Variants in EML4 observed in about 807,000 individuals in gnomAD.
The protein encoded by EML4 is echinoderm microtubule-associated protein-like 4.
Under a neutral mutation model 129.0 loss-of-function variants are expected in EML4, and 72 were observed. That is an observed-to-expected ratio of 0.56 (90% CI 0.46 to 0.68). The LOEUF (loss-of-function observed/expected upper bound fraction) is 0.68, where lower values mean the gene tolerates loss of function less well. EML4 is among the 30% of genes least tolerant of loss of function. The pLI, the probability that EML4 is intolerant of heterozygous loss-of-function variation, is 0.00. For synonymous variants in EML4, 532 were observed against 405.0 expected (o/e 1.31, Z -3.77); for missense variants, 1,363 against 1,190.6 (o/e 1.14, Z -2.13).
chr2:42,214,514 G>C (rs1287440479), intron 1 of EML4, among the ~76,000 whole-genome samples: 1 of 151,850 alleles, frequency 6.6e-6, no homozygotes, highest in East Asian at 1.9e-4. Flanking sequence ...TAAATATTTA[G>C]TGATTAATAT....
At chr2:42,227,764 TAATG>T (rs1270314238) in intron 1 of EML4, among the ~76,000 whole-genome samples, 3 of 152,242 alleles carry the variant, frequency 2.0e-5, no homozygotes, top group South Asian at 4.1e-4. Flanking sequence ...CATTTCCACT[TAATG>T]AATAGTGAAT....
chr2:42,312,974 A>G (rs1312377789), intron 17 of EML4, among the ~76,000 whole-genome samples: 5 of 107,058 alleles, frequency 4.7e-5, no homozygotes, highest in African/African-American at 7.3e-5. Context: ...TTTGAGATGG[A>G]GTCTCGCTCT....
rs139718832 is a variant in EML4, at chr2:42,295,165, C to A, written c.1259C>A (p.Thr420Lys). The change falls in exon 12 of 23, where the codon ACA (threonine) becomes AAA (lysine). Residue 420 changes from threonine (T) to lysine (K), a missense_variant. Thr to Lys is a moderately conservative substitution (Grantham distance 78). Coordinates refer to ENST00000318522, the MANE Select transcript of EML4 (RefSeq NM_019063.5). The stretch of plus-strand genomic sequence containing the variant: ...GTTTTGGCTGTGGAGTTTCACCCAA[C>A]AGATGCAAATACCATAATTACATGC... ...EVVLAVEFHP[T>K]DANTIITCGK... is the part of the protein sequence containing the mutation. 5 of 1,612,434 alleles carry A rather than the reference C, an allele frequency of 3.1e-6. No homozygotes were observed. In the African/African-American group the frequency reaches 4.0e-5, roughly 13 times the overall value.
At chr2:42,274,089 A>G (rs12618609) in intron 6 of EML4, among the ~76,000 whole-genome samples, 34,706 of 152,082 alleles carry the variant, frequency 0.23, 4,794 homozygotes, top group East Asian at 0.56. Context: ...CCTTTTGTTT[A>G]ACTCTGTGGT....
chr2:42,245,094 C>CTTTTTTTTTTTTTTTTTTTTTTTTTT lies in EML4; in HGVS notation c.26-393_26-392insTTTTTTTTTTTTTTTTTTTTTTTTTT. ...AGTTTTTTGTTTTGAAATTTTCTTT[C>CTTTTTTTTTTTTTTTTTTTTTTTTTT]TTTTTTTTTTTTTTTTTTGAGACAG... On this transcript the variant is annotated intron_variant, in intron 1 of 22. Transcript: ENST00000318522. 3.5e-3 allele frequency among the ~76,000 whole-genome samples: 231 copies of CTTTTTTTTTTTTTTTTTTTTTTTTTT among 66,540 alleles called. 46 individuals are homozygous for CTTTTTTTTTTTTTTTTTTTTTTTTTT. The highest frequency in any genetic ancestry group is 7.2e-3 in the South Asian group (8 of 1,112). 43.7% of individuals were successfully genotyped at this position (66,540 alleles called of 152,430 possible).
chr2:42,255,785 C>G (rs1179710839), intron 2 of EML4, among the ~76,000 whole-genome samples: 4 of 152,162 alleles, frequency 2.6e-5, no homozygotes, highest in Non-Finnish European at 4.4e-5. Flanking sequence ...CAAATGACCT[C>G]CAACATCTTA....
intron 2 of EML4, among the ~76,000 whole-genome samples, chr2:42,255,638 A>C (rs1676088821): frequency 6.6e-6 from 1 of 152,184 alleles, no homozygotes; most frequent in African/African-American, 2.4e-5. Flanking sequence ...AATGTAACTT[A>C]TATGTAAAAA....
Position 42,261,260 on chromosome 2 carries a change from A to G in EML4, c.478A>G (p.Thr160Ala). Residue 160 changes from threonine (T) to alanine (A), a missense_variant, in exon 4 of 23, where the codon ACT becomes GCT. Transcript: ENST00000318522. ...ACAACCTCTCCAAATACACAGACAA[A>G]CTCCAGAAAGCAAGAATGCTACTCC... ...SSQPLQIHRQ[T>A]PESKNATPTK... 1 of 1,613,610 alleles carries G rather than the reference A, an allele frequency of 6.2e-7. No homozygotes were observed. Among genetic ancestry groups the G allele is most frequent in the Non-Finnish European group, 8.5e-7 (1 of 1,179,752 alleles).
At chr2:42,269,553 G>C (rs923341650) in intron 6 of EML4, among the ~76,000 whole-genome samples, 1 of 152,140 alleles carries the variant, frequency 6.6e-6, no homozygotes, top group Middle Eastern at 3.2e-3. Context: ...TGATATATAT[G>C]AGGAAAGAAT....
At chr2:42,255,780 G>C (rs971587753) in intron 2 of EML4, among the ~76,000 whole-genome samples, 5 of 152,138 alleles carry the variant, frequency 3.3e-5, no homozygotes, top group African/African-American at 1.2e-4. Flanking sequence ...TGACACAAAT[G>C]ACCTCCAACA....
intron 17 of EML4, among the ~76,000 whole-genome samples, chr2:42,310,401 G>A (rs1668870779): frequency 6.6e-6 from 1 of 151,218 alleles, no homozygotes; most frequent in African/African-American, 2.4e-5. Flanking sequence ...CTGGAGTGCA[G>A]TGACATAATC....
chr2:42,290,809 AGAG>A (rs1201417373), intron 11 of EML4, among the ~76,000 whole-genome samples: 1 of 152,202 alleles, frequency 6.6e-6, no homozygotes, highest in Non-Finnish European at 1.5e-5. Context: ...CAGAAATTAA[AGAG>A]GAGGGATGTT....
intron 6 of EML4, among the ~76,000 whole-genome samples, chr2:42,271,182 C>G (rs1572664391): frequency 6.6e-6 from 1 of 152,256 alleles, no homozygotes; most frequent in East Asian, 1.9e-4. Context: ...GCATGAGCCA[C>G]TGTGCCTGGC....
Position 42,330,427 on chromosome 2 carries a change from A to C in EML4, c.*220A>C. 1 of 620,846 alleles carries C rather than the reference A, an allele frequency of 1.6e-6. No homozygotes were observed. The highest frequency in any genetic ancestry group is 1.8e-5 in the South Asian group (1 of 55,916). 38.5% of individuals were successfully genotyped at this position (620,846 alleles called of 1,614,324 possible). A position where few individuals can be genotyped will look rare whatever the true frequency, so the allele number is the denominator to read the frequency against. ...AAAATTAACCAAACTTAATACTAGG[A>C]GAAGACTGAATCATTAATGATGTCT... On this transcript the variant is annotated 3_prime_UTR_variant, in exon 23 of 23. Coordinates refer to ENST00000318522, the MANE Select transcript of EML4 (RefSeq NM_019063.5).
chr2:42,271,181 A>G (rs1283249667), intron 6 of EML4, among the ~76,000 whole-genome samples: 2 of 152,268 alleles, frequency 1.3e-5, no homozygotes. Context: ...GGCATGAGCC[A>G]CTGTGCCTGG....
At chr2:42,195,351 T>C (rs1051509469) in intron 1 of EML4, among the ~76,000 whole-genome samples, 2 of 152,234 alleles carry the variant, frequency 1.3e-5, no homozygotes, top group South Asian at 2.1e-4. Flanking sequence ...CATAGTATTA[T>C]AATGTTTAAT....
intron 1 of EML4, among the ~76,000 whole-genome samples, chr2:42,203,716 A>G (rs1164913640): frequency 2.3e-4 from 33 of 145,914 alleles, no homozygotes; most frequent in East Asian, 1.8e-3. Flanking sequence ...TAAAGAGGGG[A>G]AAAAAAAAAC....
At chr2:42,263,534 A>G (rs1248115133) in intron 5 of EML4, among the ~76,000 whole-genome samples, 3 of 149,100 alleles carry the variant, frequency 2.0e-5, no homozygotes, top group South Asian at 2.1e-4. Flanking sequence ...CCTCCCAAGT[A>G]GCTGGGACTA....
At chr2:42,313,907 A>G (rs1669095956) in intron 17 of EML4, among the ~76,000 whole-genome samples, 2 of 150,896 alleles carry the variant, frequency 1.3e-5, no homozygotes, top group South Asian at 4.2e-4. Flanking sequence ...CATCCACTCC[A>G]GTCTGGGTGA....
Sources: gnomAD v4.1 joint callset for allele counts (sites outside exome capture counted in the v4.1 genomes callset) on GRCh38, gnomAD v4.1.1 for gene constraint, MANE v1.5 for transcripts, NCBI Gene and HGNC (gene_info 2026-07-23, HGNC 2026-07-21) for gene names.